Variants in EFCAB6 observed in about 807,000 individuals in gnomAD.
EFCAB6 encodes the protein EF-hand calcium binding domain 6.
EFCAB6 carries 156 observed loss-of-function variants against 169.8 expected under a neutral mutation model. The ratio of observed to expected loss-of-function variants is 0.92; its 90% CI spans 0.81 to 1.05. The LOEUF is 1.05. EFCAB6 is among the 50% of genes least tolerant of loss of function. The pLI is 0.00. For missense variants in EFCAB6, 1,800 were observed against 1,829.1 expected, an observed-to-expected ratio of 0.98 and a Z score of 0.29; for synonymous variants, 698 against 676.4, an observed-to-expected ratio of 1.03 and a Z score of -0.50.
intron 20 of EFCAB6, among the ~76,000 whole-genome samples, chr22:43,625,675 G>A (rs1452666843): frequency 1.3e-5 from 2 of 152,228 alleles, no homozygotes; most frequent in African/African-American, 4.8e-5. Context: ...AGCACTGCCC[G>A]GGGAGGGGCT....
chr22:43,639,460 C>T (rs1330076032), intron 17 of EFCAB6, among the ~76,000 whole-genome samples: 1 of 152,134 alleles, frequency 6.6e-6, no homozygotes, highest in East Asian at 1.9e-4. Flanking sequence ...TTTTCCTTTC[C>T]ATATGTTACT....
Position 43,782,292 on chromosome 22 carries a change from G to T in EFCAB6, c.27C>A (p.Asp9Glu). 1.9e-6 allele frequency: 3 copies of T among 1,613,882 alleles called. No homozygotes were observed. The highest frequency in any genetic ancestry group is 2.5e-6 in the Non-Finnish European group (3 of 1,179,948). ...GTGTGTGAGGATGCGACCTAAGCCAGTCTGGTATAATCGCCATTTTGCACA... is the reference window on the plus strand; with the variant it reads ...GTGTGTGAGGATGCGACCTAAGCCATTCTGGTATAATCGCCATTTTGCACA... MCKMAIIP[D>E]WLRSHPHTRK... The change falls in exon 3 of 32, where the codon GAC becomes GAA. Residue 9 changes from aspartate (D) to glutamate (E), a missense_variant. By Grantham distance (45) the Asp-to-Glu change is conservative. Transcript: ENST00000262726.
intron 20 of EFCAB6, among the ~76,000 whole-genome samples, chr22:43,621,052 T>C (rs530822361): frequency 5.7e-4 from 86 of 151,666 alleles, no homozygotes; most frequent in Middle Eastern, 3.4e-3. Flanking sequence ...AGAATTAAAC[T>C]AGAATCAATA....
intron 10 of EFCAB6, among the ~76,000 whole-genome samples, chr22:43,707,591 G>A (rs1031337445): frequency 5.3e-5 from 8 of 152,198 alleles, no homozygotes; most frequent in East Asian, 1.9e-4. Context: ...CCAGAAGACC[G>A]TGAAGAGTAC....
chr22:43,578,587 G>A (rs2050414711), intron 25 of EFCAB6, among the ~76,000 whole-genome samples: 1 of 152,030 alleles, frequency 6.6e-6, no homozygotes, highest in Admixed American at 6.5e-5. Flanking sequence ...CAATATCCAA[G>A]GACACCAGCA....
At chr22:43,677,453 C>T (rs752280472) in intron 13 of EFCAB6, among the ~76,000 whole-genome samples, 11 of 152,124 alleles carry the variant, frequency 7.2e-5, no homozygotes, top group Non-Finnish European at 1.3e-4. Flanking sequence ...CAAGACCAGC[C>T]TGGCCAACAT....
intron 9 of EFCAB6, among the ~76,000 whole-genome samples, chr22:43,713,356 G>A (rs961666678): frequency 3.3e-5 from 5 of 152,246 alleles, no homozygotes; most frequent in East Asian, 3.9e-4. Flanking sequence ...TATCAAAAAC[G>A]TTCTAAACAA....
chr22:43,784,540 TGTGTATATGTATATATACAC>T (rs2061952834), intron 2 of EFCAB6, among the ~76,000 whole-genome samples: 5 of 112,736 alleles, frequency 4.4e-5, no homozygotes, highest in Non-Finnish European at 8.9e-5. Flanking sequence ...TGTGTGTGTG[TGTGTATATGTATATATACAC>T]ATATATATGT....
chr22:43,760,521 G>T (rs764953599), intron 5 of EFCAB6, among the ~76,000 whole-genome samples: 1 of 152,156 alleles, frequency 6.6e-6, no homozygotes, highest in Non-Finnish European at 1.5e-5. Flanking sequence ...TTCCAAATAT[G>T]ACTTCTGCCC....
chr22:43,655,108 T>A (rs1414086748), intron 17 of EFCAB6, among the ~76,000 whole-genome samples: 2 of 151,796 alleles, frequency 1.3e-5, no homozygotes, highest in Non-Finnish European at 2.9e-5. Context: ...AAATACAAAA[T>A]TAGCTGGGCG....
At chr22:43,811,409 AAAAAG>A (rs1026186776) in intron 1 of EFCAB6, among the ~76,000 whole-genome samples, 14 of 151,206 alleles carry the variant, frequency 9.3e-5, no homozygotes, top group Admixed American at 3.3e-4. Context: ...AAAGAAAAGA[AAAAAG>A]AAAAGAAAAG....
chr22:43,799,187 C>T (rs1022443533), intron 2 of EFCAB6, among the ~76,000 whole-genome samples: 14 of 151,934 alleles, frequency 9.2e-5, no homozygotes, highest in Non-Finnish European at 1.8e-4. Flanking sequence ...TTTTAATCAG[C>T]CAGGTAGGGT....
At chr22:43,771,765 C>T (rs546223808) in intron 4 of EFCAB6, among the ~76,000 whole-genome samples, 3 of 152,244 alleles carry the variant, frequency 2.0e-5, no homozygotes, top group Admixed American at 6.5e-5. Flanking sequence ...CTGCATCACC[C>T]CTGCTGCAAA....
chr22:43,721,429 A>C (rs2059521704), intron 8 of EFCAB6, among the ~76,000 whole-genome samples: 1 of 152,346 alleles, frequency 6.6e-6, no homozygotes, highest in East Asian at 1.9e-4. Flanking sequence ...CAAAGCCCAA[A>C]TAGCCAAAGC....
chr22:43,535,588 T>C (rs2047339358), intron 29 of EFCAB6: 1 of 152,172 alleles, frequency 6.6e-6, no homozygotes, highest in Non-Finnish European at 1.5e-5. Context: ...CATGCCGCAT[T>C]CTCCTGCCAG....
chr22:43,717,093 G>A, intron 8 of EFCAB6, 121 bp from the exon 9 acceptor site: 1 of 1,251,690 alleles, frequency 8.0e-7, no homozygotes, highest in Non-Finnish European at 1.0e-6. Context: ...CCAAGAAAAT[G>A]ATGAACCATC....
chr22:43,771,187 T>C (rs2147964313), intron 4 of EFCAB6, among the ~76,000 whole-genome samples: 1 of 152,238 alleles, frequency 6.6e-6, no homozygotes, highest in East Asian at 1.9e-4. Context: ...TCCCGGCACT[T>C]TGGGAGGCCA....
intron 9 of EFCAB6, among the ~76,000 whole-genome samples, chr22:43,712,937 T>C (rs2059212527): frequency 6.6e-6 from 1 of 152,128 alleles, no homozygotes; most frequent in Non-Finnish European, 1.5e-5. Flanking sequence ...CAAGCCTTTG[T>C]TTAAAAAAAA....
intron 10 of EFCAB6, among the ~76,000 whole-genome samples, chr22:43,697,393 G>A (rs2058613979): frequency 6.6e-6 from 1 of 152,156 alleles, no homozygotes; most frequent in Non-Finnish European, 1.5e-5. Context: ...TCTCAACTAT[G>A]TTAAGTATGT....
Sources: allele counts gnomAD v4.1 joint callset (sites outside exome capture counted in the v4.1 genomes callset), GRCh38; gene constraint gnomAD v4.1.1; transcripts MANE v1.5; gene names NCBI Gene and HGNC (gene_info 2026-07-23, HGNC 2026-07-21).